Variants in STOM observed in about 807,000 individuals in gnomAD.
The protein encoded by STOM is erythrocyte band 7 integral membrane protein.
In STOM, 25 loss-of-function variants were observed where a neutral mutation model predicts 30.6. The ratio of observed to expected loss-of-function variants is 0.82; its 90% confidence interval spans 0.60 to 1.14. The LOEUF (loss-of-function observed/expected upper bound fraction) is 1.14. Among genes scored for constraint, STOM ranks in the 50% most tolerant of loss-of-function variants. The pLI is 0.00. For synonymous variants in STOM, 118 were observed against 130.8 expected (o/e 0.90, Z 0.67); for missense variants, 292 against 365.2 (o/e 0.80, Z 1.63).
At chr9:121,356,748 C>T (rs2064395109) in intron 1 of STOM, among the ~76,000 whole-genome samples, 1 of 151,938 alleles carries the variant, frequency 6.6e-6, no homozygotes, top group South Asian at 2.1e-4. Flanking sequence ...TTTGGGAGGC[C>T]GAGACAGGTG....
Position 121,370,134 on chromosome 9 carries a change from G to A in STOM, c.54C>T (p.Ser18=), listed in dbSNP as rs1157546579. 24 of 1,545,462 alleles carry A rather than the reference G, an allele frequency of 1.6e-5. No homozygotes were observed. Among genetic ancestry groups the A allele is most frequent in the Non-Finnish European group, 2.1e-5 (24 of 1,146,500 alleles). ...RDSEAQRLPD[S]FKDSPSKGLG... ...AGGGGACGCGGGACTCACCCTTGAA[G>A]GAGTCGGGGAGCCGCTGGGCTTCGG... Residue 18 remains serine (S), a synonymous_variant, in exon 1 of 7, where the codon TCC becomes TCT. Transcript: ENST00000286713.
chr9:121,363,580 A>T (rs2134044730), intron 1 of STOM, among the ~76,000 whole-genome samples: 1 of 152,298 alleles, frequency 6.6e-6, no homozygotes, highest in East Asian at 1.9e-4. Context: ...TTCCAATAAA[A>T]CTTATGGACA....
rs544209809 is a variant in STOM at position 121,356,507 on chromosome 9, C to T, written c.62-351G>A. 3.9e-5 allele frequency among the ~76,000 whole-genome samples: 6 copies of T among 152,246 alleles called. No homozygotes were observed. The East Asian group carries it at 9.6e-4, about 24-fold the overall frequency. On this transcript the variant is annotated intron_variant, in intron 1 of 6. Coordinates refer to ENST00000286713, the MANE Select transcript of STOM (RefSeq NM_004099.6). ...GTTTAGTGGGAAAGTCAGACAAACA[C>T]ATAATTATAATATTAGGTGGTAAGT... is the stretch of plus-strand genomic sequence containing the variant.
At chr9:121,344,103 T>C (rs898054493) in intron 6 of STOM, among the ~76,000 whole-genome samples, 6 of 152,092 alleles carry the variant, frequency 3.9e-5, no homozygotes, top group African/African-American at 1.4e-4. Flanking sequence ...TTAATGGAGA[T>C]AGGATACAGA....
At chr9:121,343,902 T>C (rs2064267296) in intron 6 of STOM, among the ~76,000 whole-genome samples, 1 of 152,142 alleles carries the variant, frequency 6.6e-6, no homozygotes, top group African/African-American at 2.4e-5. Context: ...TGAAAGCTGC[T>C]AGTGGAACTG....
chr9:121,356,486 A>C (rs908936513), intron 1 of STOM, among the ~76,000 whole-genome samples: 1 of 152,228 alleles, frequency 6.6e-6, no homozygotes, highest in African/African-American at 2.4e-5. Flanking sequence ...GTTAAAGTTT[A>C]GTGGGAAAGT....
chr9:121,342,849 A>G (rs1448702676), intron 6 of STOM, among the ~76,000 whole-genome samples: 1 of 152,214 alleles, frequency 6.6e-6, no homozygotes, highest in African/African-American at 2.4e-5. Flanking sequence ...TCACAGGCAA[A>G]AAAGTTTGAA....
chr9:121,367,979 A>T (rs780365447), intron 1 of STOM, among the ~76,000 whole-genome samples: 1 of 152,248 alleles, frequency 6.6e-6, no homozygotes, highest in Non-Finnish European at 1.5e-5. Flanking sequence ...TTATTGTGAA[A>T]TGGTGAATAA....
At chr9:121,369,970 C>G (rs2064548243) in intron 1 of STOM, 157 bp downstream of exon 1, 10 of 650,518 alleles carry the variant, frequency 1.5e-5, no homozygotes, top group Non-Finnish European at 2.6e-5. Context: ...AAACAGGGTT[C>G]GTGATGCTCA....
chr9:121,364,685 A>T (rs757183762), intron 1 of STOM, among the ~76,000 whole-genome samples: 3 of 152,294 alleles, frequency 2.0e-5, no homozygotes, highest in African/African-American at 7.2e-5. Flanking sequence ...TATTTTAAGG[A>T]TTTTCTGTAG....
At position 121,339,839 on chromosome 9, in the gene STOM, A is replaced by G; in HGVS notation, c.*1363T>C. On this transcript the variant is annotated 3_prime_UTR_variant, in exon 7 of 7. Coordinates refer to ENST00000286713, the MANE Select transcript of STOM (RefSeq NM_004099.6). Reference sequence around the variant, plus strand: ...ACTAGGTAAATTTAAAAAGACCTACATCTATATAGATATTGTAAGTTTGAC... The same window carrying G: ...ACTAGGTAAATTTAAAAAGACCTACGTCTATATAGATATTGTAAGTTTGAC... 2 of 1,185,620 alleles carry G rather than the reference A, an allele frequency of 1.7e-6. No individual in the cohort carries two copies. Among genetic ancestry groups the G allele is most frequent in the Non-Finnish European group, 2.1e-6 (2 of 959,416 alleles). The allele number at this position is 1,185,620 out of a possible 1,614,324, so 73.4% of individuals were successfully genotyped here. A position where few individuals can be genotyped will look rare whatever the true frequency, so the allele number is the denominator to read the frequency against.
chr9:121,348,993 A>T, intron 5 of STOM, 127 bp downstream of exon 5: 1 of 1,092,636 alleles, frequency 9.2e-7, no homozygotes, highest in Non-Finnish European at 1.3e-6. Context: ...GAAAAATTTT[A>T]CTATGAAGAA....
chr9:121,345,516 C>T (rs1280067969), intron 6 of STOM, among the ~76,000 whole-genome samples: 2 of 152,042 alleles, frequency 1.3e-5, no homozygotes, highest in African/African-American at 4.8e-5. Context: ...AAACTGTGAC[C>T]CCCCTATTTT....
Position 121,341,177 on chromosome 9 carries a change from T to C in STOM, c.*25A>G. The C allele has an allele frequency of 1.9e-6, 3 of 1,613,290 alleles. No individual in the cohort carries two copies. In the South Asian group the frequency reaches 3.3e-5, roughly 18 times the overall value. ...CTAATTTGGTCCCCGACTTCATGCT[T>C]GGAAGGCTAGCGCTCATCTCTACAC... On this transcript the variant is annotated 3_prime_UTR_variant, in exon 7 of 7. Coordinates refer to ENST00000286713, the MANE Select transcript of STOM (RefSeq NM_004099.6).
chr9:121,344,222 C>T (rs2064270292), intron 6 of STOM, among the ~76,000 whole-genome samples: 1 of 152,196 alleles, frequency 6.6e-6, no homozygotes, highest in Admixed American at 6.5e-5. Flanking sequence ...CAAGTGCCAG[C>T]TTTGCTCAAA....
chr9:121,356,227 C>T, intron 1 of STOM, 71 bp from the exon 2 acceptor site: 1 of 1,315,738 alleles, frequency 7.6e-7, no homozygotes, highest in Non-Finnish European at 1.1e-6. Context: ...TCATCCTTAC[C>T]ATTCGCTGAA....
chr9:121,341,319 G>A lies in STOM; in HGVS notation c.750C>T (p.Leu250=), dbSNP rs200071449. The A allele has an allele frequency of 4.3e-6, 7 of 1,614,174 alleles. No individual in the cohort carries two copies. In the Admixed American group the frequency reaches 5.0e-5, roughly 12 times the overall value. Residue 250 remains leucine, a synonymous_variant, in exon 7 of 7, where the codon CTC becomes CTT. Transcript: ENST00000286713. ...TGGTGGTCAGTGTCTGCAGGTATCG[G>A]AGCTGAAGGGCTGCAGGAGATTCAG... ...VITESPAALQ[L]RYLQTLTTIA...
intron 5 of STOM, 29 bp downstream of exon 5, chr9:121,349,091 G>T: frequency 3.1e-6 from 5 of 1,606,616 alleles, no homozygotes; most frequent in Non-Finnish European, 4.3e-6. Flanking sequence ...TCAGCTTCTG[G>T]GGGGTAACAG....
At position 121,359,339 on chromosome 9, in the gene STOM, T is replaced by G. The variant is rs554178302; in HGVS notation, c.62-3183A>C. 2.0e-5 allele frequency among the ~76,000 whole-genome samples: 3 copies of G among 152,298 alleles called. No individual in the cohort carries two copies. In the South Asian group the frequency reaches 6.2e-4, roughly 32 times the overall value. On this transcript the variant is annotated intron_variant, in intron 1 of 6. Transcript: ENST00000286713. ...AGAAATATAGTGAGTACTTGGGTTGTATGTGACTTGGTAGTTTTCTGATCC... is the reference window on the plus strand; with the variant it reads ...AGAAATATAGTGAGTACTTGGGTTGGATGTGACTTGGTAGTTTTCTGATCC...
Sources: gnomAD v4.1 joint callset for allele counts (sites outside exome capture counted in the v4.1 genomes callset) on GRCh38, gnomAD v4.1.1 for gene constraint, MANE v1.5 for transcripts, NCBI Gene and HGNC (gene_info 2026-07-23, HGNC 2026-07-21) for gene names.